The following QSER1 variants were observed in gnomAD, a reference collection of about 807,000 sequenced individuals.
QSER1 encodes glutamine and serine rich 1.
Under a neutral mutation model 158.5 loss-of-function variants are expected in QSER1, and 49 were observed. The observed-to-expected ratio is 0.31, with a 90% CI of 0.25 to 0.39. The LOEUF (loss-of-function observed/expected upper bound fraction) is 0.39, where lower values mean the gene tolerates loss of function less well. QSER1 is among the 10% of genes least tolerant of loss of function. The pLI, the probability that QSER1 is intolerant of heterozygous loss-of-function variation, is 1.00. For synonymous variants in QSER1, 650 were observed against 715.5 expected (o/e 0.91, Z 1.46); for missense variants, 1,754 against 2,010.3 (o/e 0.87, Z 2.44).
intron 1 of QSER1, among the ~76,000 whole-genome samples, chr11:32,898,482 T>TCACACACACACACACACACA (rs71034630): frequency 4.2e-5 from 6 of 142,946 alleles, no homozygotes; most frequent in Non-Finnish European, 7.6e-5. Context: ...TGAGAACCTG[T>TCACACACACACACACACACA]CACACACACA....
chr11:32,907,214 G>A (rs961979000), intron 1 of QSER1, among the ~76,000 whole-genome samples: 4 of 152,108 alleles, frequency 2.6e-5, no homozygotes, highest in African/African-American at 9.7e-5. Flanking sequence ...AAGTTTGTAA[G>A]GAAAGAACAG....
chr11:32,965,346 C>T (rs1026726754), intron 8 of QSER1, among the ~76,000 whole-genome samples: 1 of 152,052 alleles, frequency 6.6e-6, no homozygotes, highest in Non-Finnish European at 1.5e-5. Flanking sequence ...AACTCCTGGG[C>T]TCAAGCAGTC....
chr11:32,955,172 G>A, intron 5 of QSER1, 124 bp from the exon 6 acceptor site: 1 of 602,252 alleles, frequency 1.7e-6, no homozygotes, highest in Non-Finnish European at 2.9e-6. Context: ...CAGAATATCA[G>A]ATAGAGAGGT....
intron 1 of QSER1, among the ~76,000 whole-genome samples, chr11:32,919,133 C>T (rs1851870723): frequency 6.6e-6 from 1 of 151,982 alleles, no homozygotes; most frequent in East Asian, 1.9e-4. Context: ...GTTTTTCCAG[C>T]TTAGTTTGTT....
chr11:32,902,857 C>T (rs1409939498), intron 1 of QSER1, among the ~76,000 whole-genome samples: 2 of 152,058 alleles, frequency 1.3e-5, no homozygotes, highest in Non-Finnish European at 2.9e-5. Flanking sequence ...ATTGTTAGCC[C>T]GTTATATAGA....
Position 32,932,659 on chromosome 11 carries a change from T to A in QSER1, c.1401T>A (p.Val467=). ...STAQLPSLLS[V]SQSQNYGLVQ... ...CGCAGCTACCAAGCCTTTTATCAGT[T>A]AGTCAGTCCCAAAATTACGGTTTAG... Residue 467 remains valine (V), a synonymous_variant, in exon 4 of 13, where the codon GTT becomes GTA. Coordinates refer to ENST00000650167, the MANE Select transcript of QSER1 (RefSeq NM_001076786.3). 1 of 1,614,204 alleles carries A rather than the reference T, an allele frequency of 6.2e-7. No individual in the cohort carries two copies. The highest frequency in any genetic ancestry group is 8.5e-7 in the Non-Finnish European group (1 of 1,180,032).
intron 1 of QSER1, among the ~76,000 whole-genome samples, chr11:32,919,571 C>G (rs1488593710): frequency 6.6e-6 from 1 of 152,216 alleles, no homozygotes; most frequent in Non-Finnish European, 1.5e-5. Context: ...TGATTTATCA[C>G]TACTGATAAA....
chr11:32,955,869 G>T, intron 6 of QSER1, 119 bp from the exon 7 acceptor site: 2 of 850,930 alleles, frequency 2.4e-6, no homozygotes, highest in Admixed American at 2.7e-5. Context: ...AAATTAGCCT[G>T]GCCAGAGCTG....
chr11:32,938,786 T>A (rs1220514852), intron 4 of QSER1, among the ~76,000 whole-genome samples: 2 of 152,052 alleles, frequency 1.3e-5, no homozygotes. Context: ...AATTATAAAG[T>A]AAGAATTATT....
intron 1 of QSER1, among the ~76,000 whole-genome samples, chr11:32,918,495 A>C (rs1851863264): frequency 6.6e-6 from 1 of 151,612 alleles, no homozygotes; most frequent in Non-Finnish European, 1.5e-5. Context: ...ATGAGGCAAG[A>C]GACCTGTCTG....
intron 8 of QSER1, among the ~76,000 whole-genome samples, chr11:32,958,333 C>T (rs1852560868): frequency 6.6e-6 from 1 of 151,900 alleles, no homozygotes; most frequent in African/African-American, 2.4e-5. Flanking sequence ...CCAGTTATCT[C>T]AACTCTGGAT....
chr11:32,962,072 A>G (rs552846136), intron 8 of QSER1, among the ~76,000 whole-genome samples: 19 of 152,296 alleles, frequency 1.2e-4, no homozygotes, highest in Middle Eastern at 3.4e-3. Flanking sequence ...TGTTTTCCAC[A>G]TGGTTACACC....
intron 6 of QSER1, 40 bp from the exon 7 acceptor site, chr11:32,955,948 G>A (rs1852503348): frequency 1.3e-6 from 2 of 1,565,656 alleles, no homozygotes; most frequent in Non-Finnish European, 8.7e-7. Context: ...TTTGTATCTA[G>A]ATTGTTCAAT....
At chr11:32,922,295 G>C (rs1376085941) in intron 1 of QSER1, among the ~76,000 whole-genome samples, 4 of 152,054 alleles carry the variant, frequency 2.6e-5, no homozygotes, top group Non-Finnish European at 5.9e-5. Context: ...GCCACCGGGT[G>C]GGAGAAAATA....
intron 1 of QSER1, among the ~76,000 whole-genome samples, chr11:32,907,496 GA>G (rs1413120530): frequency 6.6e-6 from 1 of 152,042 alleles, no homozygotes; most frequent in Non-Finnish European, 1.5e-5. Context: ...AAACAAGGGA[GA>G]AAATTTAATT....
At chr11:32,896,986 A>G (rs940974212) in intron 1 of QSER1, among the ~76,000 whole-genome samples, 1 of 152,178 alleles carries the variant, frequency 6.6e-6, no homozygotes, top group Non-Finnish European at 1.5e-5. Context: ...TTCCACTGTT[A>G]GAGTTCAGAA....
At chr11:32,922,741 TCA>T (rs1336598504) in intron 1 of QSER1, among the ~76,000 whole-genome samples, 1 of 151,992 alleles carries the variant, frequency 6.6e-6, no homozygotes, top group Non-Finnish European at 1.5e-5. Flanking sequence ...CACCTCAGCC[TCA>T]CAAAGTGCTG....
chr11:32,934,572 C>T lies in QSER1; in HGVS notation c.3314C>T (p.Pro1105Leu), dbSNP rs1771834183. The change falls in exon 4 of 13, where the codon CCA (proline) becomes CTA (leucine). Residue 1105 changes from proline to leucine, a missense_variant. Pro to Leu is a moderately conservative substitution (Grantham distance 98, BLOSUM62 -3). Around this residue, in one of 2 missense-constraint regions of QSER1, gnomAD observed 1,707 missense variants for 1,919.6 expected, o/e 0.89. Transcript: ENST00000650167. ...SHEVQEQSSGPFKKQSATNLE... is the reference protein window; with the variant it reads ...SHEVQEQSSGLFKKQSATNLE... ...GAAGTCCAGGAGCAAAGTTCTGGCC[C>T]ATTCAAGAAACAGTCTGCTACCAAT... 1.2e-6 allele frequency: 2 copies of T among 1,613,432 alleles called. No homozygotes were observed. The highest frequency in any genetic ancestry group is 2.2e-5 in the East Asian group (1 of 44,874).
At chr11:32,946,892 G>C (rs1368313529) in intron 4 of QSER1, among the ~76,000 whole-genome samples, 1 of 152,194 alleles carries the variant, frequency 6.6e-6, no homozygotes, top group Non-Finnish European at 1.5e-5. Context: ...ACTCCGTGGG[G>C]TAGGACCCTC....
Sources: allele counts gnomAD v4.1 joint callset (sites outside exome capture counted in the v4.1 genomes callset), GRCh38; gene constraint gnomAD v4.1.1; regional missense constraint gnomAD v4.1.1; transcripts MANE v1.5; gene names NCBI Gene and HGNC (gene_info 2026-07-23, HGNC 2026-07-21).